MID1: variants seen among roughly 807,000 people sequenced by gnomAD.
MID1 encodes E3 ubiquitin-protein ligase Midline-1.
Under a neutral mutation model 40.4 loss-of-function variants are expected in MID1, and 7 were observed. That is an observed-to-expected ratio of 0.17 (90% CI 0.10 to 0.33). The LOEUF (loss-of-function observed/expected upper bound fraction) is 0.33. Ranked by LOEUF, MID1 falls within the 10% of genes least tolerant of loss-of-function variation. The pLI, the probability that MID1 is intolerant of heterozygous loss-of-function variation, is 1.00. For missense variants in MID1, 367 were observed against 558.5 expected (o/e 0.66, Z 3.46); for synonymous variants, 229 against 221.2 (o/e 1.04, Z -0.31).
intron 1 of MID1, among the ~76,000 whole-genome samples, chrX:10,615,943 C>T (rs940822508): frequency 2.5e-4 from 28 of 112,386 alleles, no homozygotes; most frequent in Admixed American, 2.1e-3. Flanking sequence ...TCTTTAATCA[C>T]AGCGTATTTG....
rs886781324 is a variant in MID1, at chrX:10,477,123, C to T, written c.1014-2373G>A. 2.7e-5 allele frequency among the ~76,000 whole-genome samples: 3 copies of T among 111,934 alleles called. No individual in the cohort carries two copies. In the South Asian group the frequency reaches 1.1e-3, roughly 42 times the overall value. Reference sequence around the variant, plus strand: ...CAAAGTGAAACGCCAATTAATTCTCCATCATAATGTCTGGCAGGGAGAACT... The same window carrying T: ...CAAAGTGAAACGCCAATTAATTCTCTATCATAATGTCTGGCAGGGAGAACT... On this transcript the variant is annotated intron_variant, in intron 5 of 9. Transcript: ENST00000317552.
intron 1 of MID1, among the ~76,000 whole-genome samples, chrX:10,792,503 T>C (rs1045478783): frequency 1.8e-5 from 2 of 112,500 alleles, no homozygotes; most frequent in Non-Finnish European, 3.8e-5. Flanking sequence ...TGGTAGAATG[T>C]TCTACTTACT....
At chrX:10,778,368 C>T (rs1257876360) in intron 1 of MID1, among the ~76,000 whole-genome samples, 4 of 110,569 alleles carry the variant, frequency 3.6e-5, no homozygotes, top group Non-Finnish European at 3.8e-5. Context: ...GGTGCATGAC[C>T]GTATATATGA....
intron 1 of MID1, among the ~76,000 whole-genome samples, chrX:10,775,093 G>T (rs1310875438): frequency 2.1e-5 from 2 of 93,449 alleles, no homozygotes; most frequent in Non-Finnish European, 4.2e-5. Flanking sequence ...GGAGTGAGGA[G>T]AATGAAAAAG....
At chrX:10,814,848 T>G (rs2044125756) in intron 1 of MID1, among the ~76,000 whole-genome samples, 1 of 111,961 alleles carries the variant, frequency 8.9e-6, no homozygotes, top group South Asian at 3.7e-4. Context: ...CCCCTGGAGA[T>G]TCATCCAGGT....
intron 1 of MID1, among the ~76,000 whole-genome samples, chrX:10,614,165 G>A (rs927740228): frequency 9.0e-6 from 1 of 111,124 alleles, no homozygotes; most frequent in Non-Finnish European, 1.9e-5. Context: ...TACTCGTGTG[G>A]ATAAGAGGAT....
intron 1 of MID1, among the ~76,000 whole-genome samples, chrX:10,722,078 T>C (rs1249903964): frequency 9.1e-6 from 1 of 110,364 alleles, no homozygotes; most frequent in African/African-American, 3.4e-5. Flanking sequence ...TATGTTATCC[T>C]ATGCTAAGTA....
intron 1 of MID1, among the ~76,000 whole-genome samples, chrX:10,727,977 T>G (rs767635483): frequency 5.3e-5 from 6 of 112,163 alleles, no homozygotes; most frequent in Non-Finnish European, 1.1e-4. Flanking sequence ...TGTTCAAACT[T>G]GAATTCCGAA....
intron 1 of MID1, among the ~76,000 whole-genome samples, chrX:10,633,684 G>T (rs1936077570): frequency 9.0e-6 from 1 of 111,157 alleles, no homozygotes; most frequent in Non-Finnish European, 1.9e-5. Flanking sequence ...AAACTCCTGG[G>T]CTCAGGCAAT....
intron 2 of MID1, 22 bp from the exon 3 acceptor site, chrX:10,523,209 AGAG>A (rs762933630): frequency 6.0e-6 from 6 of 1,005,589 alleles, no homozygotes; most frequent in Non-Finnish European, 8.4e-6. Flanking sequence ...AAAAAAAAAA[AGAG>A]GAAAAATATT....
intron 1 of MID1, among the ~76,000 whole-genome samples, chrX:10,720,500 A>G (rs1383631382): frequency 1.8e-5 from 2 of 112,240 alleles, no homozygotes; most frequent in African/African-American, 6.5e-5. Context: ...ACAATGAGAT[A>G]CCATCTCACA....
At chrX:10,500,799 T>C (rs1477266214) in intron 3 of MID1, among the ~76,000 whole-genome samples, 2 of 112,190 alleles carry the variant, frequency 1.8e-5, no homozygotes, top group Admixed American at 9.4e-5. Flanking sequence ...CTGATGGAAG[T>C]GCTCTGAGGA....
chrX:10,538,881 T>C (rs753984594), intron 2 of MID1, among the ~76,000 whole-genome samples: 17 of 112,524 alleles, frequency 1.5e-4, no homozygotes, highest in Admixed American at 2.8e-4. Context: ...ATAACAGAAG[T>C]CATATGAAGC....
chrX:10,781,972 T>C (rs1349408256), intron 1 of MID1, among the ~76,000 whole-genome samples: 1 of 111,808 alleles, frequency 8.9e-6, no homozygotes, highest in Non-Finnish European at 1.9e-5. Flanking sequence ...TGTGTATGAG[T>C]CACTCACCCA....
At chrX:10,773,454 A>C (rs1271080456) in intron 1 of MID1, among the ~76,000 whole-genome samples, 2 of 111,949 alleles carry the variant, frequency 1.8e-5, no homozygotes, top group Non-Finnish European at 3.8e-5. Context: ...TAGTGCTATA[A>C]TTCTGTTAAT....
chrX:10,657,269 T>C (rs1298965978), intron 1 of MID1, among the ~76,000 whole-genome samples: 1 of 111,425 alleles, frequency 9.0e-6, no homozygotes, highest in African/African-American at 3.3e-5. Flanking sequence ...GGTTTTCCTC[T>C]CTTCCTTGTC....
At chrX:10,796,415 T>TTTC (rs2043967603) in intron 1 of MID1, among the ~76,000 whole-genome samples, 1 of 107,759 alleles carries the variant, frequency 9.3e-6, no homozygotes, top group Non-Finnish European at 1.9e-5. Context: ...AAAATTCAGT[T>TTTC]TTTTTTTTTC....
At position 10,523,121 on chromosome X, in the gene MID1, T is replaced by G; in HGVS notation, c.727A>C (p.Lys243Gln). 2 of 1,205,910 alleles carry G rather than the reference T, an allele frequency of 1.7e-6. No individual in the cohort carries two copies. The highest frequency in any genetic ancestry group is 2.2e-6 in the Non-Finnish European group (2 of 891,816). ...RNTELETLLA[K>Q]LIQTCQHVEV... Reference sequence around the variant, plus strand: ...ACATGTTGACAGGTTTGGATGAGTTTAGCCAAAAGGGTCTCCAGTTCTGTG... The same window carrying G: ...ACATGTTGACAGGTTTGGATGAGTTGAGCCAAAAGGGTCTCCAGTTCTGTG... Residue 243 changes from lysine to glutamine, a missense_variant, in exon 3 of 10, where the codon AAA (lysine) becomes CAA (glutamine). By Grantham distance (53) the Lys-to-Gln change is moderately conservative. Around this residue, in one of 3 missense-constraint regions of MID1, gnomAD observed 275 missense variants for 383.1 expected, o/e 0.72. Coordinates refer to ENST00000317552, the MANE Select transcript of MID1 (RefSeq NM_000381.4).
chrX:10,739,126 G>A (rs770296920), intron 1 of MID1, among the ~76,000 whole-genome samples: 3 of 111,895 alleles, frequency 2.7e-5, no homozygotes, highest in Non-Finnish European at 5.6e-5. Context: ...AACCTGGTGT[G>A]TGTTGAGAAG....
Sources: gnomAD v4.1 joint callset for allele counts (sites outside exome capture counted in the v4.1 genomes callset) on GRCh38, gnomAD v4.1.1 for gene constraint, gnomAD v4.1.1 regional missense constraint, MANE v1.5 for transcripts, NCBI Gene and HGNC (gene_info 2026-07-23, HGNC 2026-07-21) for gene names.